The following COMMD1 variants were observed in gnomAD, a reference collection of about 807,000 sequenced individuals.
The protein encoded by COMMD1 is copper metabolism domain containing 1, also known as COMM domain-containing protein 1.
A neutral mutation model predicts 17.2 loss-of-function variants in COMMD1; 10 were observed. The ratio of observed to expected loss-of-function variants is 0.58; its 90% CI spans 0.36 to 0.99. COMMD1 has a LOEUF of 0.99. Ranked by LOEUF, COMMD1 falls within the 50% of genes least tolerant of loss-of-function variation. The pLI is 0.01. For synonymous variants in COMMD1, 97 were observed against 91.6 expected, an observed-to-expected ratio of 1.06 and a Z score of -0.34; for missense variants, 270 against 231.8, an observed-to-expected ratio of 1.17 and a Z score of -1.07.
chr2:62,041,421 T>C (rs1670193757), intron 2 of COMMD1, among the ~76,000 whole-genome samples: 1 of 152,210 alleles, frequency 6.6e-6, no homozygotes, highest in African/African-American at 2.4e-5. Context: ...TTTGTTAGTA[T>C]TTTGAGATAG....
upstream of COMMD1, among the ~76,000 whole-genome samples, chr2:61,904,250 A>T (rs1051843148): frequency 5.3e-5 from 8 of 152,064 alleles, no homozygotes; most frequent in Non-Finnish European, 1.2e-4. Context: ...TGACCTCGTG[A>T]TCCGTCTGCC....
At position 62,135,895 on chromosome 2, in the gene COMMD1, C is replaced by G; in HGVS notation, c.527C>G (p.Ser176Ter). The G allele has an allele frequency of 6.2e-7, 1 of 1,605,224 alleles. No individual in the cohort carries two copies. Among genetic ancestry groups the G allele is most frequent in the African/African-American group, 1.3e-5 (1 of 74,858 alleles). ...GTCAACCAAATTCTGAAGACGCTGT[C>G]AGAGGTAGAAGAAAGTATCAGCACA... is the stretch of plus-strand genomic sequence containing the variant. ...VKVNQILKTL[S>*]EVEESISTLI... Residue 176 changes from serine (S) to a stop codon, truncating the protein, a stop_gained, in exon 3 of 3, where the codon TCA becomes TGA. Coordinates refer to ENST00000311832, the MANE Select transcript of COMMD1 (RefSeq NM_152516.4). LOFTEE classifies it high-confidence loss of function.
intron 2 of COMMD1, among the ~76,000 whole-genome samples, chr2:62,062,233 T>G (rs1471932800): frequency 2.0e-5 from 3 of 147,790 alleles, no homozygotes; most frequent in Non-Finnish European, 4.4e-5. Context: ...TTTGTTTTTT[T>G]GTTTTTTTTT....
At chr2:61,943,830 G>A (rs886506445) in intron 1 of COMMD1, among the ~76,000 whole-genome samples, 4 of 152,020 alleles carry the variant, frequency 2.6e-5, no homozygotes, top group African/African-American at 9.7e-5. Flanking sequence ...GTGAGACTCT[G>A]TCTCAAAAAA....
intron 1 of COMMD1, among the ~76,000 whole-genome samples, chr2:61,911,114 A>C (rs574324686): frequency 3.1e-4 from 47 of 150,684 alleles, no homozygotes; most frequent in Middle Eastern, 7.2e-3. Flanking sequence ...TTTTAATGAA[A>C]ATTCTCCTTT....
chr2:62,021,032 T>G (rs564885409), intron 2 of COMMD1, among the ~76,000 whole-genome samples: 3 of 152,114 alleles, frequency 2.0e-5, no homozygotes, highest in Middle Eastern at 6.8e-3. Context: ...TACTCTTTGA[T>G]TAAAATAATC....
chr2:61,952,849 G>A (rs1384353080), intron 1 of COMMD1, among the ~76,000 whole-genome samples: 2 of 152,222 alleles, frequency 1.3e-5, no homozygotes, highest in Non-Finnish European at 2.9e-5. Context: ...AAATACCTAG[G>A]AGTGAAATGG....
intron 1 of COMMD1, among the ~76,000 whole-genome samples, chr2:61,990,369 T>C (rs1241587636): frequency 1.3e-5 from 2 of 152,176 alleles, no homozygotes; most frequent in African/African-American, 4.8e-5. Flanking sequence ...GAGATAATTA[T>C]AGTTTGACAT....
At chr2:62,096,943 ATAAG>A (rs1388173282) in intron 2 of COMMD1, among the ~76,000 whole-genome samples, 2 of 152,208 alleles carry the variant, frequency 1.3e-5, no homozygotes, top group Non-Finnish European at 1.5e-5. Context: ...TTTGAGAAAA[ATAAG>A]TAGGACTTTC....
intron 1 of COMMD1, among the ~76,000 whole-genome samples, chr2:61,925,398 G>A (rs1386108956): frequency 6.6e-6 from 1 of 151,918 alleles, no homozygotes; most frequent in Non-Finnish European, 1.5e-5. Context: ...TTGGGGAGGG[G>A]AGTTTGAGGG....
Position 61,945,618 on chromosome 2 carries a change from C to T in COMMD1, c.180+39760C>T, listed in dbSNP as rs1409330437. On this transcript the variant is annotated intron_variant, in intron 1 of 2. Coordinates refer to ENST00000311832, the MANE Select transcript of COMMD1 (RefSeq NM_152516.4). ...TTTGCTGGGGTTAAGGATGCAGCCA[C>T]GACATAGCCTCAGGACGTCCTGATG... Among the ~76,000 whole-genome samples, 6 of 152,178 alleles carry T rather than the reference C, an allele frequency of 3.9e-5. No homozygotes were observed. In the South Asian group the frequency reaches 6.2e-4, roughly 16 times the overall value.
chr2:61,951,688 T>TA (rs1671058868), intron 1 of COMMD1, among the ~76,000 whole-genome samples: 1 of 152,164 alleles, frequency 6.6e-6, no homozygotes. Context: ...TAAAGGGACA[T>TA]ATGAATGTAT....
intron 2 of COMMD1, among the ~76,000 whole-genome samples, chr2:62,109,035 T>A (rs1672386686): frequency 1.3e-5 from 2 of 152,200 alleles, no homozygotes; most frequent in South Asian, 4.1e-4. Context: ...ACTGTCTACT[T>A]GGCCTGTCTG....
chr2:62,113,493 C>T (rs1204939570), intron 2 of COMMD1, among the ~76,000 whole-genome samples: 2 of 152,192 alleles, frequency 1.3e-5, no homozygotes, highest in Non-Finnish European at 2.9e-5. Context: ...AAGCGATTCC[C>T]CTGCCCCAGC....
At chr2:62,126,695 A>G (rs1672896375) in intron 2 of COMMD1, among the ~76,000 whole-genome samples, 1 of 151,894 alleles carries the variant, frequency 6.6e-6, no homozygotes, top group African/African-American at 2.4e-5. Context: ...ATTTTCTCCA[A>G]CTCTGTAGGT....
At chr2:61,984,963 A>G (rs1573032701) in intron 1 of COMMD1, among the ~76,000 whole-genome samples, 1 of 150,196 alleles carries the variant, frequency 6.7e-6, no homozygotes. Context: ...TGATATAAGT[A>G]TAGCTACTCC....
intron 2 of COMMD1, among the ~76,000 whole-genome samples, chr2:62,046,081 T>G (rs1028165067): frequency 1.3e-5 from 2 of 152,198 alleles, no homozygotes; most frequent in African/African-American, 4.8e-5. Context: ...TTGGCCTATG[T>G]CCAGGAATGA....
At chr2:62,114,079 A>G (rs909629172) in intron 2 of COMMD1, among the ~76,000 whole-genome samples, 1 of 152,198 alleles carries the variant, frequency 6.6e-6, no homozygotes, top group Non-Finnish European at 1.5e-5. Context: ...TTTTATCCAT[A>G]GGTAGCATTT....
intron 1 of COMMD1, among the ~76,000 whole-genome samples, chr2:61,955,935 C>T (rs191314329): frequency 1.4e-4 from 21 of 152,340 alleles, no homozygotes; most frequent in Middle Eastern, 3.4e-3. Context: ...GATCTGCCCG[C>T]CTTGGCCTCC....
Sources: allele counts gnomAD v4.1 joint callset (sites outside exome capture counted in the v4.1 genomes callset), GRCh38; gene constraint gnomAD v4.1.1; transcripts MANE v1.5; gene names NCBI Gene and HGNC (gene_info 2026-07-23, HGNC 2026-07-21).